The following POLDIP2 variants were observed in gnomAD, a reference collection of about 807,000 sequenced individuals.
POLDIP2 encodes DNA polymerase delta interacting protein 2.
Under a neutral mutation model 52.9 loss-of-function variants are expected in POLDIP2, and 32 were observed. That is an observed-to-expected ratio of 0.61 (90% CI 0.46 to 0.81). The LOEUF (loss-of-function observed/expected upper bound fraction) is 0.81, where lower values mean the gene tolerates loss of function less well. Among genes scored for constraint, POLDIP2 ranks in the 40% least tolerant of loss-of-function variants. The pLI is 0.00. For missense variants in POLDIP2, 371 were observed against 477.3 expected (o/e 0.78, Z 2.07); for synonymous variants, 183 against 183.0 (o/e 1.00, Z 0.00).
chr17:28,350,364 A>G (rs1043036709), intron 9 of POLDIP2, 74 bp downstream of exon 9: 1 of 1,350,090 alleles, frequency 7.4e-7, no homozygotes. Context: ...ATAACAACAA[A>G]GGAGAAGGAA....
At chr17:28,356,727 G>T (rs1908051852) in intron 1 of POLDIP2, among the ~76,000 whole-genome samples, 3 of 152,142 alleles carry the variant, frequency 2.0e-5, no homozygotes. Context: ...TGAACTTTAT[G>T]CTTCCTCCCA....
In POLDIP2 at chr17:28,348,147, C is replaced by T. The variant is rs782735892; in HGVS notation, c.1077G>A (p.Glu359=). The change falls in exon 11 of 11, where the codon GAG becomes GAA. Residue 359 remains glutamate, a synonymous_variant. Transcript: ENST00000540200. ...AGTGAAGGCCTGAGGGTGGTGTCTT[C>T]TCATCTTTATTGCTTTCCAGGGAGA... is the stretch of plus-strand genomic sequence containing the variant. ...PPFSLESNKD[E]KTPPSGLHW 6 of 1,613,532 alleles carry T rather than the reference C, an allele frequency of 3.7e-6. No individual in the cohort carries two copies. In the Admixed American group the frequency reaches 1.0e-4, roughly 27 times the overall value.
In POLDIP2 at chr17:28,346,674, T is replaced by G. The variant is rs1907579970; in HGVS notation, c.*1443A>C. On this transcript the variant is annotated 3_prime_UTR_variant, in exon 11 of 11. Coordinates refer to ENST00000540200, the MANE Select transcript of POLDIP2 (RefSeq NM_015584.5). Reference sequence around the variant, plus strand: ...AATCAGACTTTGTGACTTAAAAGTTTGGGGGTTTTCTTTGAAAGTTTCCAG... The same window carrying G: ...AATCAGACTTTGTGACTTAAAAGTTGGGGGGTTTTCTTTGAAAGTTTCCAG... 2 of 152,206 alleles carry G rather than the reference T, an allele frequency of 1.3e-5. No individual in the cohort carries two copies. The highest frequency in any genetic ancestry group is 6.5e-5 in the Admixed American group (1 of 15,272). The allele number at this position is 152,206 out of a possible 1,614,324, so 9.4% of individuals were successfully genotyped here. A position where few individuals can be genotyped will look rare whatever the true frequency, so the allele number is the denominator to read the frequency against.
intron 2 of POLDIP2, 129 bp downstream of exon 2, chr17:28,355,666 C>T (rs1220484124): frequency 2.3e-6 from 1 of 440,498 alleles, no homozygotes; most frequent in Non-Finnish European, 4.1e-6. Context: ...AAATTTGATT[C>T]TGGAATGGCA....
chr17:28,350,559 C>T lies in POLDIP2; in HGVS notation c.791G>A (p.Arg264His), dbSNP rs782042825. 14 of 1,612,792 alleles carry T rather than the reference C, an allele frequency of 8.7e-6. No homozygotes were observed. The highest frequency in any genetic ancestry group is 2.7e-5 in the African/African-American group (2 of 74,832). ...AAGGTTCTCCAAACGGATACAGTAG[C>T]GCCACTGAGGTGGGTGTGGGAGAGA... is the stretch of plus-strand genomic sequence containing the variant. ...EAQNSHVYWWRYCIRLENLDS... is the reference protein window; with the variant it reads ...EAQNSHVYWWHYCIRLENLDS... Residue 264 changes from arginine (R) to histidine (H), a missense_variant, in exon 9 of 11, where the codon CGC becomes CAC. Transcript: ENST00000540200.
Position 28,356,077 on chromosome 17 carries a change from C to G in POLDIP2, c.162-201G>C, listed in dbSNP as rs546524446. 4.6e-5 allele frequency among the ~76,000 whole-genome samples: 7 copies of G among 150,918 alleles called. No individual in the cohort carries two copies. The East Asian group carries it at 1.4e-3, about 29-fold the overall frequency. ...ACAGTCTCCCAGTGTTAGATGTGAC[C>G]GCTCCCATACTACTGTCTTCTCTCT... On this transcript the variant is annotated intron_variant, in intron 1 of 10. Transcript: ENST00000540200.
intron 9 of POLDIP2, 38 bp from the exon 10 acceptor site, chr17:28,349,200 C>A: frequency 6.7e-7 from 1 of 1,497,334 alleles, no homozygotes; most frequent in East Asian, 2.3e-5. Flanking sequence ...GGCCAAGCCC[C>A]AGGGACATGT....
intron 4 of POLDIP2, 25 bp downstream of exon 4, chr17:28,353,670 A>C: frequency 1.3e-6 from 2 of 1,529,454 alleles, no homozygotes; most frequent in Non-Finnish European, 9.1e-7. Flanking sequence ...GAGGACCCCC[A>C]AGCCCAGCCA....
Position 28,350,769 on chromosome 17 carries a change from G to A in POLDIP2, c.783C>T (p.Tyr261=), listed in dbSNP as rs1555579831. 13 of 1,595,966 alleles carry A rather than the reference G, an allele frequency of 8.1e-6. No individual in the cohort carries two copies. The East Asian group carries it at 3.0e-4, about 36-fold the overall frequency. ...TCTCCCAGACAGTGACACTCACCCA[G>A]TACACGTGGGAATTCTGGGCTTCCT... ...GMREAQNSHV[Y]WWRYCIRLEN... Residue 261 remains tyrosine, a synonymous_variant, in exon 8 of 11, where the codon TAC becomes TAT. Coordinates refer to ENST00000540200, the MANE Select transcript of POLDIP2 (RefSeq NM_015584.5).
rs1214801301 is a variant in POLDIP2 at position 28,346,880 on chromosome 17, C to T, written c.*1237G>A. On this transcript the variant is annotated 3_prime_UTR_variant, in exon 11 of 11. Transcript: ENST00000540200. ...ATTGAATTTGGTATGTGACCAAGGT[C>T]GGCCTAAAGGATGGCGCAGGTCCTG... The T allele has an allele frequency of 2.6e-5, 4 of 152,194 alleles. No homozygotes were observed. The highest frequency in any genetic ancestry group is 1.3e-4 in the Admixed American group (2 of 15,270). 9.4% of individuals were successfully genotyped at this position (152,194 alleles called of 1,614,324 possible). A position where few individuals can be genotyped will look rare whatever the true frequency, so the allele number is the denominator to read the frequency against.
Position 28,347,881 on chromosome 17 carries a change from G to A in POLDIP2, c.*236C>T, listed in dbSNP as rs1395981380. ...GGCAGCTGAACACAGTTCCTTGGTG[G>A]AGAGGTTTACTGGAACATGGTGTAG... On this transcript the variant is annotated 3_prime_UTR_variant, in exon 11 of 11. Coordinates refer to ENST00000540200, the MANE Select transcript of POLDIP2 (RefSeq NM_015584.5). 10 of 502,974 alleles carry A rather than the reference G, an allele frequency of 2.0e-5. No homozygotes were observed. The East Asian group carries it at 2.8e-4, about 14-fold the overall frequency. 31.2% of individuals were successfully genotyped at this position (502,974 alleles called of 1,614,324 possible).
In POLDIP2 at chr17:28,353,707, G is replaced by A. The variant is rs1432538303; in HGVS notation, c.426C>T (p.Asp142=). ...TYYQVLIDAR[D]CPHISQRSQT... is the part of the protein sequence containing the mutation. ...CTTGCTTACTTACTATATGTGGGCAGTCACGAGCATCAATCAGCACCTGAT... is the reference window on the plus strand; with the variant it reads ...CTTGCTTACTTACTATATGTGGGCAATCACGAGCATCAATCAGCACCTGAT... The change falls in exon 4 of 11, where the codon GAC becomes GAT. Residue 142 remains aspartate, a synonymous_variant. Transcript: ENST00000540200. 1 of 1,611,070 alleles carries A rather than the reference G, an allele frequency of 6.2e-7. No homozygotes were observed. Among genetic ancestry groups the A allele is most frequent in the Non-Finnish European group, 8.5e-7 (1 of 1,177,792 alleles).
In POLDIP2 at chr17:28,346,635, A is replaced by G. The variant is rs562555076; in HGVS notation, c.*1482T>C. ...TACTAACATTGAACTCACTGACATGATCTTAGCTTCTTTAATCAGACTTTG... is the reference window on the plus strand; with the variant it reads ...TACTAACATTGAACTCACTGACATGGTCTTAGCTTCTTTAATCAGACTTTG... On this transcript the variant is annotated 3_prime_UTR_variant, in exon 11 of 11. Coordinates refer to ENST00000540200, the MANE Select transcript of POLDIP2 (RefSeq NM_015584.5). 1 of 152,332 alleles carries G rather than the reference A, an allele frequency of 6.6e-6. No homozygotes were observed. Among genetic ancestry groups the G allele is most frequent in the East Asian group, 1.9e-4 (1 of 5,192 alleles). 9.4% of individuals were successfully genotyped at this position (152,332 alleles called of 1,614,324 possible). A position where few individuals can be genotyped will look rare whatever the true frequency, so the allele number is the denominator to read the frequency against.
At chr17:28,350,835 C>T (rs1479439927) in intron 7 of POLDIP2, 43 bp from the exon 8 acceptor site, 2 of 1,517,668 alleles carry the variant, frequency 1.3e-6, no homozygotes. Context: ...CAGGGCAAGA[C>T]CAAGTGTGTT....
chr17:28,357,450 TCCCGCCCGAGCG>T lies in POLDIP2; in HGVS notation c.-14_-3del. 6.9e-7 allele frequency: 1 copy of T among 1,441,242 alleles called. No individual in the cohort carries two copies. Among genetic ancestry groups the T allele is most frequent in the South Asian group, 1.5e-5 (1 of 68,598 alleles). The allele number at this position is 1,441,242 out of a possible 1,614,324, so 89.3% of individuals were successfully genotyped here. On this transcript the variant is annotated 5_prime_UTR_variant, in exon 1 of 11. Coordinates refer to ENST00000540200, the MANE Select transcript of POLDIP2 (RefSeq NM_015584.5). ...CCGCCGGGCTGTACAGGCTGCCATG[TCCCGCCCGAGCG>T]CCCGCCCGGCTGCTGACACAGAGCC...
intron 3 of POLDIP2, 113 bp downstream of exon 3, chr17:28,354,375 G>A (rs1907933903): frequency 2.7e-6 from 2 of 732,196 alleles, no homozygotes; most frequent in African/African-American, 1.8e-5. Context: ...GAAGTACTCT[G>A]GGGATGTTTC....
chr17:28,351,821 T>C, intron 6 of POLDIP2, 21 bp from the exon 7 acceptor site: 1 of 1,605,964 alleles, frequency 6.2e-7, no homozygotes, highest in African/African-American at 1.3e-5. Context: ...ATACAATTGG[T>C]TAGTCCAATT....
rs943148375 is a variant in POLDIP2 at position 28,350,309 on chromosome 17, C to G, written c.912+129G>C. 5.2e-6 allele frequency: 4 copies of G among 768,838 alleles called. No individual in the cohort carries two copies. In the South Asian group the frequency reaches 1.0e-4, roughly 20 times the overall value. 47.6% of individuals were successfully genotyped at this position (768,838 alleles called of 1,614,324 possible). On this transcript the variant is annotated intron_variant, in intron 9 of 10. Coordinates refer to ENST00000540200, the MANE Select transcript of POLDIP2 (RefSeq NM_015584.5). ...ATCTCATGTAGTTGTTTTAAGATTT[C>G]TAACCCAAAACAACACAATGTATTC...
At chr17:28,351,887 G>T in intron 6 of POLDIP2, 87 bp from the exon 7 acceptor site, 1 of 1,273,784 alleles carries the variant, frequency 7.9e-7, no homozygotes, top group Non-Finnish European at 1.1e-6. Flanking sequence ...CAGTGCGATT[G>T]CCCCTCCTAG....
Sources: gnomAD v4.1 joint callset for allele counts (sites outside exome capture counted in the v4.1 genomes callset) on GRCh38, gnomAD v4.1.1 for gene constraint, MANE v1.5 for transcripts, NCBI Gene and HGNC (gene_info 2026-07-23, HGNC 2026-07-21) for gene names.